The following GALNT18 variants were observed in gnomAD, a reference collection of about 807,000 sequenced individuals.
GALNT18 encodes GalNAc-transferase 18.
A neutral mutation model predicts 69.5 loss-of-function variants in GALNT18; 44 were observed. That is an observed-to-expected ratio of 0.63 (90% CI 0.50 to 0.81). The LOEUF (loss-of-function observed/expected upper bound fraction) is 0.81, where lower values mean the gene tolerates loss of function less well. GALNT18 is among the 40% of genes least tolerant of loss of function. The pLI, the probability that GALNT18 is intolerant of heterozygous loss-of-function variation, is 0.00. For synonymous variants in GALNT18, 364 were observed against 318.2 expected (o/e 1.14, Z -1.53); for missense variants, 715 against 810.0 (o/e 0.88, Z 1.42).
intron 3 of GALNT18, among the ~76,000 whole-genome samples, chr11:11,419,773 G>A (rs545763624): frequency 6.6e-6 from 1 of 152,110 alleles, no homozygotes. Flanking sequence ...CTGCCTTTAC[G>A]TCTCCTCCCT....
rs1467446276 is a variant in GALNT18, at chr11:11,496,521, C to G, written c.236-47585G>C. Among the ~76,000 whole-genome samples the G allele has an allele frequency of 6.6e-6, 1 of 152,212 alleles. No homozygotes were observed. Among genetic ancestry groups the G allele is most frequent in the African/African-American group, 2.4e-5 (1 of 41,452 alleles). On this transcript the variant is annotated intron_variant, in intron 1 of 10. Transcript: ENST00000227756. This position sits in a 1 kb window ranked among gnomAD's most constrained non-coding sequence, Gnocchi z 4.0. ...GAAGATGGTTCTTAGGAAAAGATTT[C>G]CTCTTCATCAATTCTACTTTTCTAA...
intron 1 of GALNT18, among the ~76,000 whole-genome samples, chr11:11,499,451 G>T (rs1411367544): frequency 6.6e-6 from 1 of 152,086 alleles, no homozygotes; most frequent in African/African-American, 2.4e-5. Context: ...CCACCTGTGG[G>T]CTCAAGACTC....
chr11:11,407,818 G>A (rs954103055), intron 3 of GALNT18, among the ~76,000 whole-genome samples: 2 of 152,226 alleles, frequency 1.3e-5, no homozygotes, highest in Non-Finnish European at 2.9e-5. Flanking sequence ...CGAGCAGCAG[G>A]AGTAAAGAGC....
chr11:11,291,035 AC>A (rs2133001732), intron 10 of GALNT18, among the ~76,000 whole-genome samples: 2 of 152,240 alleles, frequency 1.3e-5, no homozygotes, highest in South Asian at 4.2e-4. Context: ...GTCCTTCCAC[AC>A]CACACACCCC....
chr11:11,513,786 A>T (rs552147067), intron 1 of GALNT18, among the ~76,000 whole-genome samples: 2 of 152,288 alleles, frequency 1.3e-5, no homozygotes, highest in East Asian at 1.9e-4. Context: ...GGGGGAACAT[A>T]ATTTATTTAT....
intron 1 of GALNT18, among the ~76,000 whole-genome samples, chr11:11,554,010 A>G (rs944379840): frequency 3.3e-5 from 5 of 152,176 alleles, no homozygotes; most frequent in African/African-American, 1.2e-4. Context: ...CTGCTGGCCC[A>G]CCGCGCAGCA....
intron 6 of GALNT18, among the ~76,000 whole-genome samples, chr11:11,358,154 T>C (rs944340112): frequency 1.1e-5 from 1 of 94,816 alleles, no homozygotes; most frequent in African/African-American, 3.9e-5. Context: ...CTGATCCCAT[T>C]GTCTTACCTC....
chr11:11,557,105 G>A (rs1467150051), intron 1 of GALNT18, among the ~76,000 whole-genome samples: 1 of 152,146 alleles, frequency 6.6e-6, no homozygotes, highest in Non-Finnish European at 1.5e-5. Context: ...TCTCAGTCTA[G>A]CTGTCTTTAT....
At position 11,413,429 on chromosome 11, in the gene GALNT18, G is replaced by T. The variant is rs1044002840; in HGVS notation, c.595+19192C>A. 2.0e-5 allele frequency among the ~76,000 whole-genome samples: 3 copies of T among 152,184 alleles called. No individual in the cohort carries two copies. The highest frequency in any genetic ancestry group is 4.8e-5 in the African/African-American group (2 of 41,450). The stretch of plus-strand genomic sequence containing the variant: ...ATCTGGGGAGGTGATTTTAATCAGG[G>T]ATTTGATCATCCTACGGACGATTCC... On this transcript the variant is annotated intron_variant, in intron 3 of 10. Coordinates refer to ENST00000227756, the MANE Select transcript of GALNT18 (RefSeq NM_198516.3). This position sits in a 1 kb window ranked among gnomAD's most constrained non-coding sequence, Gnocchi z 4.7.
At chr11:11,405,246 G>C (rs147450037) in intron 3 of GALNT18, among the ~76,000 whole-genome samples, 12 of 152,252 alleles carry the variant, frequency 7.9e-5, no homozygotes, top group African/African-American at 2.6e-4. Context: ...CTTAGTTTTA[G>C]ATTTCTAGGC....
At position 11,285,031 on chromosome 11, in the gene GALNT18, C is replaced by T. The variant is rs150053713; in HGVS notation, c.1677+7998G>A. ...GCCCCTTGGACTGAAGATGGGGTAA[C>T]AGGAACATCAAGTGCAAAGCACAGG... On this transcript the variant is annotated intron_variant, in intron 10 of 10. Transcript: ENST00000227756. Among the ~76,000 whole-genome samples, 243 of 147,986 alleles carry T rather than the reference C, an allele frequency of 1.6e-3. 3 individuals are homozygous for T. Among genetic ancestry groups the T allele is most frequent in the African/African-American group, 5.8e-3 (229 of 39,790 alleles).
At chr11:11,330,672 T>C (rs746435725) in intron 8 of GALNT18, among the ~76,000 whole-genome samples, 2 of 152,256 alleles carry the variant, frequency 1.3e-5, no homozygotes, top group Non-Finnish European at 2.9e-5. Flanking sequence ...CAGACAGATC[T>C]AGATCACAAC....
chr11:11,473,531 A>T lies in GALNT18; in HGVS notation c.236-24595T>A, dbSNP rs575369388. ...ATTCCAGAAGGCTCGTTTTGGGCCT[A>T]AAGATGGCAGAGTGTGCAGACGGTG... On this transcript the variant is annotated intron_variant, in intron 1 of 10. Transcript: ENST00000227756. 3.3e-5 allele frequency among the ~76,000 whole-genome samples: 5 copies of T among 150,090 alleles called. No homozygotes were observed. The South Asian group carries it at 1.1e-3, about 33-fold the overall frequency.
intron 5 of GALNT18, among the ~76,000 whole-genome samples, chr11:11,373,865 G>A (rs2133679587): frequency 1.3e-5 from 2 of 152,364 alleles, no homozygotes; most frequent in East Asian, 3.9e-4. Flanking sequence ...CCTGGCTGGA[G>A]GACTTGGTGG....
rs1001137171 is a variant in GALNT18, at chr11:11,573,617, G to A, written c.235+47742C>T. ...CCAGCTGGATCAGCAAGAGGCTGGT[G>A]GAGAACAAGAAGCTGCTATGAACCA... On this transcript the variant is annotated intron_variant, in intron 1 of 10. Transcript: ENST00000227756. The surrounding 1 kb of genome is among the most constrained non-coding windows in gnomAD (Gnocchi z 4.6). 1 of 152,154 alleles carries A rather than the reference G, an allele frequency of 6.6e-6. No homozygotes were observed. The highest frequency in any genetic ancestry group is 1.5e-5 in the Non-Finnish European group (1 of 68,038). The allele number at this position is 152,154 out of a possible 1,614,324, so 9.4% of individuals were successfully genotyped here.
At chr11:11,275,166 G>A (rs111572174) in intron 10 of GALNT18, among the ~76,000 whole-genome samples, 254 of 152,340 alleles carry the variant, frequency 1.7e-3, no homozygotes, top group African/African-American at 5.2e-3. Context: ...CACCAACAGT[G>A]TAAAAGTGTT....
intron 3 of GALNT18, among the ~76,000 whole-genome samples, chr11:11,408,239 G>A (rs757457341): frequency 4.6e-5 from 7 of 151,812 alleles, no homozygotes; most frequent in African/African-American, 7.3e-5. Flanking sequence ...GGGGTCGGGC[G>A]CCTGTACAAT....
rs1012939493 is a variant in GALNT18 at position 11,541,593 on chromosome 11, G to C, written c.235+79766C>G. On this transcript the variant is annotated intron_variant, in intron 1 of 10. Transcript: ENST00000227756. This position sits in a 1 kb window ranked among gnomAD's most constrained non-coding sequence, Gnocchi z 4.8. The stretch of plus-strand genomic sequence containing the variant: ...TGACATATAAAGCCTTCCTGGGCTG[G>C]CACCCCAGCCCCACCCACAAATGCA... Among the ~76,000 whole-genome samples, 1 of 152,126 alleles carries C rather than the reference G, an allele frequency of 6.6e-6. No homozygotes were observed. Among genetic ancestry groups the C allele is most frequent in the African/African-American group, 2.4e-5 (1 of 41,416 alleles).
intron 10 of GALNT18, among the ~76,000 whole-genome samples, chr11:11,292,151 G>C (rs1055004431): frequency 6.6e-6 from 1 of 152,104 alleles, no homozygotes; most frequent in Admixed American, 6.5e-5. Context: ...ACCATGTACA[G>C]CCCCCAGGCA....
Sources: gnomAD v4.1 joint callset for allele counts (sites outside exome capture counted in the v4.1 genomes callset) on GRCh38, gnomAD v4.1.1 for gene constraint, Gnocchi (gnomAD v3.1) non-coding constraint, MANE v1.5 for transcripts, NCBI Gene and HGNC (gene_info 2026-07-23, HGNC 2026-07-21) for gene names.